The following DYSF variants were observed in gnomAD, a reference collection of about 807,000 sequenced individuals.
DYSF encodes the protein dysferlin, also known as dystrophy-associated fer-1-like 1.
A neutral mutation model predicts 274.9 loss-of-function variants in DYSF; 212 were observed. That is an observed-to-expected ratio of 0.77 (90% CI 0.69 to 0.86). The LOEUF is 0.86. DYSF is among the 40% of genes least tolerant of loss of function. The pLI, the probability that DYSF is intolerant of heterozygous loss-of-function variation, is 0.00. For synonymous variants in DYSF, 1,091 were observed against 1,078.7 expected (o/e 1.01, Z -0.22); for missense variants, 2,666 against 2,783.2 (o/e 0.96, Z 0.95).
intron 1 of DYSF, among the ~76,000 whole-genome samples, chr2:71,455,189 C>T (rs1264834765): frequency 2.0e-5 from 3 of 152,196 alleles, no homozygotes; most frequent in Non-Finnish European, 4.4e-5. Context: ...GTGTGGGACA[C>T]CTGTGATGTT....
chr2:71,611,680 A>T (rs1387498627), intron 38 of DYSF, 54 bp downstream of exon 38: 2 of 1,592,416 alleles, frequency 1.3e-6, no homozygotes, highest in Non-Finnish European at 1.7e-6. Flanking sequence ...TAGAAGTTCT[A>T]CATGTCCCCG....
At chr2:71,467,992 G>C (rs2081661973) in intron 1 of DYSF, among the ~76,000 whole-genome samples, 1 of 152,184 alleles carries the variant, frequency 6.6e-6, no homozygotes, top group Non-Finnish European at 1.5e-5. Flanking sequence ...ATTTGGCAAA[G>C]GGAGATTTAT....
intron 41 of DYSF, among the ~76,000 whole-genome samples, chr2:71,634,886 A>G (rs1009520702): frequency 1.3e-5 from 2 of 152,156 alleles, no homozygotes; most frequent in East Asian, 1.9e-4. Context: ...TCAGCCCCCA[A>G]ATCCTTCTAG....
At chr2:71,524,999 A>G (rs1371742293) in intron 12 of DYSF, among the ~76,000 whole-genome samples, 6 of 152,184 alleles carry the variant, frequency 3.9e-5, no homozygotes. Flanking sequence ...GAAATGCAGA[A>G]TCTTGGGCCC....
intron 36 of DYSF, among the ~76,000 whole-genome samples, chr2:71,607,826 G>A (rs1012535496): frequency 7.9e-5 from 12 of 152,182 alleles, no homozygotes; most frequent in Non-Finnish European, 1.6e-4. Context: ...GAAGAATCCA[G>A]TTTTGGACAA....
chr2:71,550,903 T>C, intron 17 of DYSF, 138 bp from the exon 18 acceptor site: 1 of 724,260 alleles, frequency 1.4e-6, no homozygotes, highest in Non-Finnish European at 2.5e-6. Flanking sequence ...TTCTTCTTTA[T>C]ACACTGACAG....
intron 3 of DYSF, among the ~76,000 whole-genome samples, chr2:71,493,694 A>G (rs2084088474): frequency 6.6e-6 from 1 of 152,056 alleles, no homozygotes; most frequent in Non-Finnish European, 1.5e-5. Context: ...ACTACTCAAA[A>G]TACAAAAATT....
chr2:71,679,350 C>G (rs373626557), intron 53 of DYSF, 115 bp downstream of exon 53: 1 of 1,013,804 alleles, frequency 9.9e-7, no homozygotes, highest in South Asian at 1.6e-5. Flanking sequence ...TCCTTTCTCC[C>G]CCTCTCCTGC....
At chr2:71,653,044 G>T (rs2094694261) in intron 42 of DYSF, among the ~76,000 whole-genome samples, 1 of 152,190 alleles carries the variant, frequency 6.6e-6, no homozygotes, top group Non-Finnish European at 1.5e-5. Flanking sequence ...TAAAGAAAAA[G>T]ATCTTTAGAT....
rs774859639 is a variant in DYSF, at chr2:71,526,339, G to A, written c.1269G>A (p.Leu423=). The change falls in exon 13 of 56, where the codon TTG becomes TTA. Residue 423 remains leucine (L), a synonymous_variant. Transcript: ENST00000410020. ...FCLKVFRAED[L]PQMDDAVMDN... ...TGAAGGTCTTCCGGGCCGAGGACTT[G>A]CCGCAGAGTGCGTGGGGCGCGCCCT... 45 of 1,610,238 alleles carry A rather than the reference G, an allele frequency of 2.8e-5. No homozygotes were observed. In the East Asian group the frequency reaches 9.8e-4, roughly 35 times the overall value.
chr2:71,624,728 G>A (rs115498211), intron 41 of DYSF, among the ~76,000 whole-genome samples: 2,439 of 152,194 alleles, frequency 0.016, 38 homozygotes, highest in African/African-American at 0.043. Flanking sequence ...CCTAACACGG[G>A]ATAGCCATCA....
chr2:71,453,825 G>A, exon 1 of DYSF: 1 of 690,016 alleles, frequency 1.4e-6, no homozygotes, highest in Non-Finnish European at 2.6e-6. Flanking sequence ...AGCAGCCGGG[G>A]GTGGCCCGTT....
intron 43 of DYSF, among the ~76,000 whole-genome samples, chr2:71,658,186 T>C (rs1240522645): frequency 3.9e-5 from 6 of 152,242 alleles, no homozygotes; most frequent in Non-Finnish European, 8.8e-5. Context: ...AGAGGCAAGA[T>C]GCCACCAGTC....
At chr2:71,531,420 C>T (rs1393839380) in intron 14 of DYSF, among the ~76,000 whole-genome samples, 1 of 152,070 alleles carries the variant, frequency 6.6e-6, no homozygotes, top group Admixed American at 6.5e-5. Context: ...AAATTTGAGT[C>T]TCCCAGCGTG....
intron 36 of DYSF, among the ~76,000 whole-genome samples, chr2:71,607,504 G>C (rs1377673253): frequency 6.6e-6 from 1 of 152,204 alleles, no homozygotes; most frequent in Non-Finnish European, 1.5e-5. Context: ...TTGAAACAAA[G>C]AGTGACATTA....
chr2:71,598,322 C>T (rs913626979), intron 32 of DYSF, among the ~76,000 whole-genome samples: 2 of 152,254 alleles, frequency 1.3e-5, no homozygotes, highest in African/African-American at 2.4e-5. Flanking sequence ...AGGGGATGCT[C>T]TCTGGATCTT....
chr2:71,678,442 A>ATTTGTG, intron 52 of DYSF, among the ~76,000 whole-genome samples: 1 of 152,320 alleles, frequency 6.6e-6, no homozygotes, highest in South Asian at 2.1e-4. Flanking sequence ...AAAAGAACAA[A>ATTTGTG]TATTGTATGA....
At chr2:71,642,367 G>A (rs2094500921) in intron 41 of DYSF, among the ~76,000 whole-genome samples, 1 of 152,242 alleles carries the variant, frequency 6.6e-6, no homozygotes, top group Admixed American at 6.5e-5. Context: ...GGACGTGACT[G>A]TGTAAGTCAG....
chr2:71,665,033 A>T, intron 46 of DYSF, 129 bp from the exon 47 acceptor site: 1 of 1,445,714 alleles, frequency 6.9e-7, no homozygotes, highest in Non-Finnish European at 9.6e-7. Flanking sequence ...GAGCAATCAG[A>T]TGGGACACCC....
Sources: allele counts gnomAD v4.1 joint callset (sites outside exome capture counted in the v4.1 genomes callset), GRCh38; gene constraint gnomAD v4.1.1; transcripts MANE v1.5; gene names NCBI Gene and HGNC (gene_info 2026-07-23, HGNC 2026-07-21).